DSCAM: variants seen among roughly 807,000 people sequenced by gnomAD.
The protein encoded by DSCAM is cell adhesion molecule DSCAM.
Under a neutral mutation model 217.7 loss-of-function variants are expected in DSCAM, and 47 were observed. The observed-to-expected ratio is 0.22, with a 90% CI of 0.17 to 0.28. The LOEUF (loss-of-function observed/expected upper bound fraction) is 0.28, where lower values mean the gene tolerates loss of function less well. Ranked by LOEUF, DSCAM falls within the 10% of genes least tolerant of loss-of-function variation. The probability of loss-of-function intolerance (pLI) is 1.00; values close to 1 mark genes in which losing one functional copy is unlikely to be tolerated. For missense variants in DSCAM, 2,080 were observed against 2,618.3 expected (o/e 0.79, Z 4.49); for synonymous variants, 1,056 against 1,015.3 (o/e 1.04, Z -0.76).
chr21:40,816,288 C>G (rs1262532564), intron 1 of DSCAM, among the ~76,000 whole-genome samples: 1 of 152,100 alleles, frequency 6.6e-6, no homozygotes, highest in African/African-American at 2.4e-5. Context: ...TTTGAGGTGT[C>G]GGGATGCTAG....
intron 11 of DSCAM, among the ~76,000 whole-genome samples, chr21:40,193,726 G>A (rs2090978144): frequency 6.6e-6 from 1 of 152,176 alleles, no homozygotes; most frequent in African/African-American, 2.4e-5. Context: ...TTCCTATTTT[G>A]CAGTGTTTGT....
At chr21:40,467,961 T>C (rs941384137) in intron 3 of DSCAM, among the ~76,000 whole-genome samples, 21 of 139,726 alleles carry the variant, frequency 1.5e-4, no homozygotes, top group Admixed American at 1.1e-3. Context: ...ACTACATAGC[T>C]CCCTCACAAT....
intron 26 of DSCAM, 36 bp from the exon 27 acceptor site, chr21:40,075,249 T>C: frequency 6.2e-7 from 1 of 1,610,810 alleles, no homozygotes; most frequent in South Asian, 1.1e-5. Context: ...TGGCTATTAA[T>C]GAAGACGGCA....
intron 1 of DSCAM, among the ~76,000 whole-genome samples, chr21:40,740,859 CAG>C (rs1185326430): frequency 6.6e-5 from 10 of 152,274 alleles, no homozygotes; most frequent in African/African-American, 2.4e-4. Context: ...GTGGAAGTAA[CAG>C]AAGTTGATAA....
intron 3 of DSCAM, among the ~76,000 whole-genome samples, chr21:40,616,438 G>A (rs1344753244): frequency 6.6e-6 from 1 of 152,164 alleles, no homozygotes; most frequent in Non-Finnish European, 1.5e-5. Flanking sequence ...GGAAATAGGT[G>A]CCTGTGTGAC....
intron 3 of DSCAM, among the ~76,000 whole-genome samples, chr21:40,534,271 G>C (rs1342155117): frequency 6.6e-6 from 1 of 152,114 alleles, no homozygotes; most frequent in Non-Finnish European, 1.5e-5. Context: ...TCTAACCTTG[G>C]AATTTCTCTA....
At chr21:40,509,226 G>T (rs2076239150) in intron 3 of DSCAM, among the ~76,000 whole-genome samples, 1 of 152,082 alleles carries the variant, frequency 6.6e-6, no homozygotes, top group African/African-American at 2.4e-5. Flanking sequence ...GTTTCCAAGA[G>T]CACAGTCATT....
intron 3 of DSCAM, among the ~76,000 whole-genome samples, chr21:40,487,776 G>C (rs774090575): frequency 3.3e-5 from 5 of 152,060 alleles, no homozygotes; most frequent in African/African-American, 4.8e-5. Context: ...GAGGGTGAGG[G>C]CTGTTTCCAG....
chr21:40,811,392 A>G (rs1258644048), intron 1 of DSCAM, among the ~76,000 whole-genome samples: 1 of 152,254 alleles, frequency 6.6e-6, no homozygotes, highest in Non-Finnish European at 1.5e-5. Flanking sequence ...GACTCAGTCA[A>G]GTACCTGATA....
intron 3 of DSCAM, among the ~76,000 whole-genome samples, chr21:40,512,826 AG>A (rs1320304461): frequency 6.6e-6 from 1 of 151,416 alleles, no homozygotes; most frequent in East Asian, 2.0e-4. Context: ...CCAGAACTGC[AG>A]GGGAGGGAAG....
chr21:40,738,419 T>C (rs975275662), intron 1 of DSCAM, among the ~76,000 whole-genome samples: 1 of 152,158 alleles, frequency 6.6e-6, no homozygotes, highest in Non-Finnish European at 1.5e-5. Context: ...ATCCTAACTG[T>C]TGTAACAAAT....
intron 3 of DSCAM, among the ~76,000 whole-genome samples, chr21:40,661,477 G>A (rs972321091): frequency 6.6e-6 from 1 of 152,128 alleles, no homozygotes; most frequent in Non-Finnish European, 1.5e-5. Flanking sequence ...CAAAATATCT[G>A]CTCTGTACCA....
intron 32 of DSCAM, among the ~76,000 whole-genome samples, chr21:40,033,577 A>AGGT (rs1271863404): frequency 6.6e-6 from 1 of 151,594 alleles, no homozygotes; most frequent in East Asian, 1.9e-4. Flanking sequence ...TCAAACTGCA[A>AGGT]GGCGGCAGTG....
At chr21:40,452,237 T>TAAAC (rs2075725911) in intron 3 of DSCAM, among the ~76,000 whole-genome samples, 2 of 144,370 alleles carry the variant, frequency 1.4e-5, no homozygotes, top group African/African-American at 5.2e-5. Flanking sequence ...TACACTATAT[T>TAAAC]ACACACACAC....
chr21:40,089,756 C>T (rs753966009), intron 21 of DSCAM, among the ~76,000 whole-genome samples: 12 of 152,246 alleles, frequency 7.9e-5, no homozygotes, highest in Admixed American at 3.9e-4. Context: ...GGCTGCCCAA[C>T]TGACTGTCTG....
At chr21:40,210,415 C>T (rs1270016994) in intron 11 of DSCAM, among the ~76,000 whole-genome samples, 1 of 152,192 alleles carries the variant, frequency 6.6e-6, no homozygotes, top group Admixed American at 6.5e-5. Flanking sequence ...ATAGTAGAGT[C>T]CTGTGTGTCC....
chr21:40,690,852 G>A (rs950280972), intron 3 of DSCAM, among the ~76,000 whole-genome samples: 1 of 152,102 alleles, frequency 6.6e-6, no homozygotes, highest in African/African-American at 2.4e-5. Context: ...GGTAGAACAT[G>A]TTCTCACTTG....
At chr21:40,467,930 CAAAAAAAAA>C (rs56379350) in intron 3 of DSCAM, among the ~76,000 whole-genome samples, 1 of 84,426 alleles carries the variant, frequency 1.2e-5, no homozygotes, top group Non-Finnish European at 2.3e-5. Context: ...AAAGATTAAC[CAAAAAAAAA>C]AAAAAAAAAA....
At chr21:40,153,730 T>C (rs886688323) in intron 16 of DSCAM, among the ~76,000 whole-genome samples, 3 of 152,118 alleles carry the variant, frequency 2.0e-5, no homozygotes, top group Non-Finnish European at 4.4e-5. Context: ...GGGTGGAGCC[T>C]GGTGAGGTGT....
Sources: allele counts gnomAD v4.1 joint callset (sites outside exome capture counted in the v4.1 genomes callset), GRCh38; gene constraint gnomAD v4.1.1; transcripts MANE v1.5; gene names NCBI Gene and HGNC (gene_info 2026-07-23, HGNC 2026-07-21).